Variants in GPC6 observed in about 807,000 individuals in gnomAD.
The protein encoded by GPC6 is glypican 6.
Under a neutral mutation model 55.2 loss-of-function variants are expected in GPC6, and 14 were observed. That is an observed-to-expected ratio of 0.25 (90% confidence interval 0.17 to 0.40). The LOEUF is 0.40. GPC6 is among the 10% of genes least tolerant of loss of function. The pLI is 1.00. For missense variants in GPC6, 641 were observed against 708.5 expected, an observed-to-expected ratio of 0.90 and a Z score of 1.08; for synonymous variants, 278 against 259.6, an observed-to-expected ratio of 1.07 and a Z score of -0.68.
At chr13:93,636,305 A>C (rs771353103) in intron 2 of GPC6, among the ~76,000 whole-genome samples, 5 of 152,214 alleles carry the variant, frequency 3.3e-5, no homozygotes, top group Non-Finnish European at 7.3e-5. Context: ...GGATGAAATA[A>C]ACAATAAATA....
At position 94,406,428 on chromosome 13, in the gene GPC6, A is replaced by G. The variant is rs1881369704; in HGVS notation, c.*3211A>G. 6.6e-6 allele frequency: 1 copy of G among 152,150 alleles called. No individual in the cohort carries two copies. Among genetic ancestry groups the G allele is most frequent in the African/African-American group, 2.4e-5 (1 of 41,446 alleles). 9.4% of individuals were successfully genotyped at this position (152,150 alleles called of 1,614,324 possible). ...CCAAGTTGGTACTTTGATTATAGCC[A>G]TCGTAGAACATTAGCACTAGAAATC... On this transcript the variant is annotated 3_prime_UTR_variant, in exon 9 of 9. Coordinates refer to ENST00000377047, the MANE Select transcript of GPC6 (RefSeq NM_005708.5).
rs1555334870 is a variant in GPC6 at position 93,832,122 on chromosome 13, A to AAATATAT, written c.711+1578_711+1579insATATATA. 1.2e-3 allele frequency among the ~76,000 whole-genome samples: 14 copies of AAATATAT among 12,056 alleles called. 1 individual carries two copies. The highest frequency in any genetic ancestry group is 4.7e-3 in the East Asian group (1 of 214). The allele number at this position is 12,056 out of a possible 152,430, so 7.9% of individuals were successfully genotyped here. ...AAAAAAAAAAAAAAAAAAAAAAAAAAATATATATATATATATATATATAAT... is the reference window on the plus strand; with the variant it reads ...AAAAAAAAAAAAAAAAAAAAAAAAAAAATATATATATATATATATATATATATATAAT... On this transcript the variant is annotated intron_variant, in intron 3 of 8. Coordinates refer to ENST00000377047, the MANE Select transcript of GPC6 (RefSeq NM_005708.5).
chr13:93,389,056 T>C (rs1357916427), intron 1 of GPC6, among the ~76,000 whole-genome samples: 1 of 152,210 alleles, frequency 6.6e-6, no homozygotes, highest in Non-Finnish European at 1.5e-5. Flanking sequence ...TGCAGTATTC[T>C]TACTTGGTGT....
intron 4 of GPC6, among the ~76,000 whole-genome samples, chr13:94,211,062 T>C (rs1482781431): frequency 1.3e-5 from 2 of 152,220 alleles, no homozygotes; most frequent in African/African-American, 4.8e-5. Flanking sequence ...ACATTAAATG[T>C]GGCTGAAAAT....
intron 3 of GPC6, among the ~76,000 whole-genome samples, chr13:93,831,397 G>C (rs983779145): frequency 6.6e-6 from 1 of 152,144 alleles, no homozygotes; most frequent in African/African-American, 2.4e-5. Flanking sequence ...ACTTAAAGAA[G>C]TAAAGTTAAA....
At chr13:93,306,828 G>C (rs1437012270) in intron 1 of GPC6, among the ~76,000 whole-genome samples, 1 of 152,076 alleles carries the variant, frequency 6.6e-6, no homozygotes, top group Non-Finnish European at 1.5e-5. Flanking sequence ...TTTGTAGCGT[G>C]TGGTTCATAT....
chr13:93,728,172 CAG>C (rs147528455), intron 2 of GPC6, among the ~76,000 whole-genome samples: 1,527 of 151,894 alleles, frequency 0.01, 34 homozygotes, highest in African/African-American at 0.034. Flanking sequence ...TCGCTTTCTT[CAG>C]AGTCTCACTA....
intron 1 of GPC6, among the ~76,000 whole-genome samples, chr13:93,464,538 ATTTG>A (rs1425393424): frequency 3.9e-5 from 6 of 152,124 alleles, no homozygotes; most frequent in African/African-American, 7.2e-5. Context: ...GCAACTCCTC[ATTTG>A]TTTGTTTGAT....
intron 3 of GPC6, among the ~76,000 whole-genome samples, chr13:93,934,183 T>C (rs1878315459): frequency 6.6e-6 from 1 of 152,194 alleles, no homozygotes; most frequent in Non-Finnish European, 1.5e-5. Context: ...CCCATAGCCT[T>C]GTGCTATTCA....
At chr13:93,304,678 T>C (rs930578779) in intron 1 of GPC6, among the ~76,000 whole-genome samples, 1 of 152,204 alleles carries the variant, frequency 6.6e-6, no homozygotes, top group African/African-American at 2.4e-5. Flanking sequence ...GAGGGACTAC[T>C]TCACTATGGA....
chr13:94,303,474 T>A (rs1875773214), intron 5 of GPC6, among the ~76,000 whole-genome samples: 1 of 152,174 alleles, frequency 6.6e-6, no homozygotes, highest in African/African-American at 2.4e-5. Context: ...ACTTCCACAC[T>A]AAAGGGTTTC....
intron 1 of GPC6, among the ~76,000 whole-genome samples, chr13:93,292,329 C>T (rs4773727): frequency 0.19 from 28,841 of 152,006 alleles, 3,565 homozygotes; most frequent in East Asian, 0.36. Context: ...GTGCCCTATG[C>T]AAGTGGCAAC....
intron 2 of GPC6, among the ~76,000 whole-genome samples, chr13:93,730,748 T>C (rs1406729110): frequency 6.6e-6 from 1 of 152,204 alleles, no homozygotes; most frequent in Admixed American, 6.5e-5. Context: ...GAAGTAAGCA[T>C]GGAGAGGCTG....
At chr13:93,255,105 C>T (rs963954040) in intron 1 of GPC6, among the ~76,000 whole-genome samples, 1 of 152,182 alleles carries the variant, frequency 6.6e-6, no homozygotes, top group Non-Finnish European at 1.5e-5. Context: ...GCAGCAGACA[C>T]CTGTCCTTTC....
chr13:93,736,898 C>T (rs1415954796), intron 2 of GPC6, among the ~76,000 whole-genome samples: 1 of 152,086 alleles, frequency 6.6e-6, no homozygotes, highest in East Asian at 1.9e-4. Flanking sequence ...ATGAGAAATG[C>T]CCACTTCTGT....
chr13:93,824,442 C>T lies in GPC6; in HGVS notation c.320-5712C>T, dbSNP rs960642678. Among the ~76,000 whole-genome samples, 3 of 152,172 alleles carry T rather than the reference C, an allele frequency of 2.0e-5. No individual in the cohort carries two copies. In the South Asian group the frequency reaches 6.2e-4, roughly 31 times the overall value. On this transcript the variant is annotated intron_variant, in intron 2 of 8. Transcript: ENST00000377047. ...GTATGTGAGTGAATGTGAGTGCAAT[C>T]AGCTTGGTGAGATAATGCACTATGA... is the stretch of plus-strand genomic sequence containing the variant.
chr13:94,173,150 T>G (rs1412213754), intron 4 of GPC6, among the ~76,000 whole-genome samples: 1 of 152,206 alleles, frequency 6.6e-6, no homozygotes, highest in Non-Finnish European at 1.5e-5. Context: ...TGCCCCCACA[T>G]TTTTAAGGAA....
At chr13:93,789,495 CTCTCTCTCTCTCTCTA>C (rs1323721074) in intron 2 of GPC6, among the ~76,000 whole-genome samples, 1 of 75,940 alleles carries the variant, frequency 1.3e-5, no homozygotes, top group Non-Finnish European at 2.8e-5. Flanking sequence ...CTCTCTCTCT[CTCTCTCTCTCTCTCTA>C]TATATATATA....
chr13:93,531,252 C>T (rs1396880726), intron 1 of GPC6, among the ~76,000 whole-genome samples: 1 of 150,404 alleles, frequency 6.6e-6, no homozygotes, highest in African/African-American at 2.4e-5. Flanking sequence ...ATATATTTTA[C>T]ATATATATTT....
Sources: allele counts gnomAD v4.1 joint callset (sites outside exome capture counted in the v4.1 genomes callset), GRCh38; gene constraint gnomAD v4.1.1; transcripts MANE v1.5; gene names NCBI Gene and HGNC (gene_info 2026-07-23, HGNC 2026-07-21).